The following ZAN variants were observed in gnomAD, a reference collection of about 807,000 sequenced individuals.
ZAN encodes the protein zonadhesin (gene/pseudogene).
Under a neutral mutation model 286.2 loss-of-function variants are expected in ZAN, and 260 were observed. The ratio of observed to expected loss-of-function variants is 0.91; its 90% CI spans 0.82 to 1.01. ZAN has a LOEUF of 1.01. ZAN is among the 50% of genes least tolerant of loss of function. The pLI is 0.00. For missense variants in ZAN, 3,410 were observed against 3,639.2 expected (o/e 0.94, Z 1.62); for synonymous variants, 1,368 against 1,417.5 (o/e 0.97, Z 0.79).
At chr7:100,759,644 G>A (rs1322146500) in intron 17 of ZAN, 77 bp from the exon 18 acceptor site, 14 of 1,456,880 alleles carry the variant, frequency 9.6e-6, no homozygotes, top group Admixed American at 7.5e-5. Context: ...TCCCTGCGGC[G>A]CCAGGCTCAG....
chr7:100,796,907 G>A (rs568355166), intron 45 of ZAN, among the ~76,000 whole-genome samples: 2 of 152,132 alleles, frequency 1.3e-5, no homozygotes, highest in African/African-American at 4.8e-5. Context: ...GGAGGCCAAG[G>A]CGGGAGGATC....
Position 100,786,084 on chromosome 7 carries a change from T to C in ZAN, c.6922T>C (p.Ser2308Pro). ...AIQCGDFRCP[S>P]GSHCQLTSDN... ...TCAGTGCGGGGACTTCCGATGCCCC[T>C]CTGGGTCCCACTGCCAGCTCACTTC... Residue 2308 changes from serine to proline, a missense_variant, in exon 37 of 48, where the codon TCT (serine) becomes CCT (proline). By Grantham distance (74) the Ser-to-Pro change is moderately conservative. Around this residue, in one of 7 missense-constraint regions of ZAN, gnomAD observed 1,289 missense variants for 1,314.3 expected, o/e 0.98. Transcript: ENST00000613979. The C allele has an allele frequency of 6.2e-7, 1 of 1,613,982 alleles. No individual in the cohort carries two copies. Among genetic ancestry groups the C allele is most frequent in the Non-Finnish European group, 8.5e-7 (1 of 1,179,884 alleles).
At position 100,765,459 on chromosome 7, in the gene ZAN, G is replaced by T; in HGVS notation, c.4375G>T (p.Ala1459Ser). 6.2e-7 allele frequency: 1 copy of T among 1,613,670 alleles called. No individual in the cohort carries two copies. The highest frequency in any genetic ancestry group is 1.1e-5 in the South Asian group (1 of 91,000). ...GTTCTGCTCAGACCGGTGCGTGGAG[G>T]CCTGTGAATGCAATCCGGGCTTCGT... ...GMFCSDRCVEACECNPGFVLS... is the reference protein window; with the variant it reads ...GMFCSDRCVESCECNPGFVLS... Residue 1459 changes from alanine to serine, a missense_variant, in exon 23 of 48, where the codon GCC becomes TCC. By Grantham distance (99) the Ala-to-Ser change is moderately conservative. Coordinates refer to ENST00000613979, the MANE Select transcript of ZAN (RefSeq NM_003386.3).
intron 38 of ZAN, 80 bp from the exon 39 acceptor site, chr7:100,789,138 G>A (rs920461021): frequency 7.1e-6 from 11 of 1,544,072 alleles, no homozygotes; most frequent in Non-Finnish European, 9.6e-6. Flanking sequence ...AGATGACTGG[G>A]AAAAGTGAAG....
chr7:100,797,288 C>A, intron 45 of ZAN, 78 bp from the exon 46 acceptor site: 1 of 1,380,402 alleles, frequency 7.2e-7, no homozygotes, highest in African/African-American at 1.4e-5. Context: ...AGCAAGCAAT[C>A]CCCAAAAGGG....
chr7:100,766,253 C>G (rs1168266198), intron 23 of ZAN, among the ~76,000 whole-genome samples: 1 of 152,142 alleles, frequency 6.6e-6, no homozygotes, highest in African/African-American at 2.4e-5. Context: ...TCCCAAAGTG[C>G]TGGGATCACA....
intron 40 of ZAN, 103 bp from the exon 41 acceptor site, chr7:100,791,863 G>A: frequency 7.3e-7 from 1 of 1,374,878 alleles, no homozygotes; most frequent in Non-Finnish European, 9.7e-7. Flanking sequence ...GGGTAGCTGG[G>A]ACTCCAGGCA....
chr7:100,748,303 TA>T lies in ZAN; in HGVS notation c.1103-20del. On this transcript the variant is annotated intron_variant, in intron 10 of 47. Coordinates refer to ENST00000613979, the MANE Select transcript of ZAN (RefSeq NM_003386.3). ...GAGAGCGTCACTCAACTTGCTCAAA[TA>T]TCCTATTTTGATCCCCCAGAGGGTT... 6.2e-7 allele frequency: 1 copy of T among 1,613,890 alleles called. No homozygotes were observed. The highest frequency in any genetic ancestry group is 8.5e-7 in the Non-Finnish European group (1 of 1,179,854).
intron 35 of ZAN, among the ~76,000 whole-genome samples, chr7:100,783,288 TAAATA>T (rs1215767017): frequency 6.6e-6 from 1 of 151,618 alleles, no homozygotes; most frequent in Non-Finnish European, 1.5e-5. Context: ...AATAAATGAA[TAAATA>T]AAATAAAACA....
At chr7:100,774,943 T>C (rs1327952469) in intron 31 of ZAN, among the ~76,000 whole-genome samples, 1 of 151,726 alleles carries the variant, frequency 6.6e-6, no homozygotes, top group African/African-American at 2.4e-5. Flanking sequence ...TTTGTTTGTT[T>C]GTTTTTGATG....
Position 100,758,670 on chromosome 7 carries a change from C to T in ZAN, c.3571+20C>T, listed in dbSNP as rs1230869013. The T allele has an allele frequency of 1.9e-6, 3 of 1,549,502 alleles. No homozygotes were observed. Among genetic ancestry groups the T allele is most frequent in the East Asian group, 2.4e-5 (1 of 40,916 alleles). ...CAACAGGTAGGCCCTGGAGATGCCA[C>T]TGCGGCCTGGGGGGAGGGTCTGTGG... On this transcript the variant is annotated intron_variant, in intron 17 of 47. Coordinates refer to ENST00000613979, the MANE Select transcript of ZAN (RefSeq NM_003386.3).
At chr7:100,760,625 C>G in intron 19 of ZAN, 89 bp downstream of exon 19, 1 of 1,518,578 alleles carries the variant, frequency 6.6e-7, no homozygotes, top group South Asian at 1.2e-5. Flanking sequence ...CCTGCCCACT[C>G]CCCTTCCATC....
rs189563739 is a variant in ZAN, at chr7:100,793,740, C to T, written c.7788-80C>T. On this transcript the variant is annotated intron_variant, in intron 42 of 47. Coordinates refer to ENST00000613979, the MANE Select transcript of ZAN (RefSeq NM_003386.3). ...GGTGTGAGCCACTGTGCCCAGCCTA[C>T]TCTGAGTTTTATCGGGTGACCTTGC... is the stretch of plus-strand genomic sequence containing the variant. The T allele has an allele frequency of 3.2e-3, 4,618 of 1,464,224 alleles. 11 individuals are homozygous for T. Among genetic ancestry groups the T allele is most frequent in the Non-Finnish European group, 4.0e-3 (4,335 of 1,085,972 alleles). The allele number at this position is 1,464,224 out of a possible 1,614,324, so 90.7% of individuals were successfully genotyped here.
In ZAN at chr7:100,760,338, G is replaced by A. The variant is rs576007664; in HGVS notation, c.3697-53G>A. 2.1e-3 allele frequency: 3,412 copies of A among 1,595,526 alleles called. 90 individuals carry two copies. In the South Asian group the frequency reaches 0.036, roughly 17 times the overall value. ...GCTATGGAAATGAAAGTCTGCTGGGGTCCTCCTTGACCCCCAGCTCTGTCT... is the reference window on the plus strand; with the variant it reads ...GCTATGGAAATGAAAGTCTGCTGGGATCCTCCTTGACCCCCAGCTCTGTCT... On this transcript the variant is annotated intron_variant, in intron 18 of 47. Transcript: ENST00000613979.
intron 30 of ZAN, 103 bp from the exon 31 acceptor site, chr7:100,773,618 G>A (rs1453745562): frequency 6.5e-7 from 1 of 1,540,374 alleles, no homozygotes; most frequent in Non-Finnish European, 8.8e-7. Context: ...AAGGCTGGGG[G>A]GCGAGGAGGA....
Position 100,791,981 on chromosome 7 carries a change from G to A in ZAN, c.7545G>A (p.Glu2515=). 1 of 1,612,968 alleles carries A rather than the reference G, an allele frequency of 6.2e-7. No individual in the cohort carries two copies. The highest frequency in any genetic ancestry group is 2.2e-5 in the East Asian group (1 of 44,862). The change falls in exon 41 of 48, where the codon GAG becomes GAA. Residue 2515 remains glutamate, a synonymous_variant. Transcript: ENST00000613979. ...TCTACTGCAGGGCTATACCAGCGGA[G>A]GAGGAGGGACAAGGGGCGGAGCTGG... The part of the protein sequence containing the change: ...LLRFPRAIPA[E]EEGQGAELGL...
At position 100,797,473 on chromosome 7, in the gene ZAN, C is replaced by T; in HGVS notation, c.8366+8C>T. ...CAGAACGAGGAGGAAGAGGTGAGTC[C>T]TGGGAAGGAGAGAGGAAGGGCGGGT... On this transcript the variant is annotated splice_region_variant and intron_variant, in intron 46 of 47. Transcript: ENST00000613979. 1 of 1,613,802 alleles carries T rather than the reference C, an allele frequency of 6.2e-7. No individual in the cohort carries two copies. The highest frequency in any genetic ancestry group is 8.5e-7 in the Non-Finnish European group (1 of 1,179,804).
chr7:100,747,169 C>T (rs1288871053), intron 8 of ZAN, among the ~76,000 whole-genome samples: 1 of 151,408 alleles, frequency 6.6e-6, no homozygotes, highest in Non-Finnish European at 1.5e-5. Flanking sequence ...GGTGGATCAC[C>T]TGAGGTCAGG....
At position 100,750,386 on chromosome 7, in the gene ZAN, C is replaced by T. The variant is rs56998721; in HGVS notation, c.1250-239C>T. On this transcript the variant is annotated intron_variant, in intron 11 of 47. Transcript: ENST00000613979. ...TCTTGACCTCGTGATCCGCCAGCCTCGGCCTCCCAAAGTGCTGGGATTACA... is the reference window on the plus strand; with the variant it reads ...TCTTGACCTCGTGATCCGCCAGCCTTGGCCTCCCAAAGTGCTGGGATTACA... Among the ~76,000 whole-genome samples the T allele has an allele frequency of 2.2e-3, 336 of 152,246 alleles. 1 individual carries two copies. Among genetic ancestry groups the T allele is most frequent in the African/African-American group, 7.7e-3 (321 of 41,566 alleles).
Sources: gnomAD v4.1 joint callset for allele counts (sites outside exome capture counted in the v4.1 genomes callset) on GRCh38, gnomAD v4.1.1 for gene constraint, gnomAD v4.1.1 regional missense constraint, MANE v1.5 for transcripts, NCBI Gene and HGNC (gene_info 2026-07-23, HGNC 2026-07-21) for gene names.